The following CLDN10 variants were observed in gnomAD, a reference collection of about 807,000 sequenced individuals.
The protein encoded by CLDN10 is claudin-10.
CLDN10 carries 15 observed loss-of-function variants against 22.9 expected under a neutral mutation model. That is an observed-to-expected ratio of 0.65 (90% CI 0.44 to 1.01). CLDN10 has a LOEUF of 1.01. Ranked by LOEUF, CLDN10 falls within the 50% of genes least tolerant of loss-of-function variation. The probability of loss-of-function intolerance (pLI) is 0.00; values close to 1 mark genes in which losing one functional copy is unlikely to be tolerated. For synonymous variants in CLDN10, 114 were observed against 111.4 expected, an observed-to-expected ratio of 1.02 and a Z score of -0.15; for missense variants, 247 against 287.8, an observed-to-expected ratio of 0.86 and a Z score of 1.03.
At chr13:95,528,931 G>T (rs989231102) in intron 1 of CLDN10, among the ~76,000 whole-genome samples, 2 of 152,164 alleles carry the variant, frequency 1.3e-5, no homozygotes, top group African/African-American at 4.8e-5. Flanking sequence ...AGTATGAATT[G>T]GTTGTCTACA....
chr13:95,529,541 C>T (rs192181093), intron 1 of CLDN10, among the ~76,000 whole-genome samples: 72 of 152,208 alleles, frequency 4.7e-4, no homozygotes, highest in African/African-American at 1.7e-3. Flanking sequence ...TCTAGGTGAG[C>T]GTGCCTCTAG....
At chr13:95,518,827 AAGAC>A (rs1425270549) in intron 1 of CLDN10, among the ~76,000 whole-genome samples, 1 of 152,226 alleles carries the variant, frequency 6.6e-6, no homozygotes, top group Non-Finnish European at 1.5e-5. Flanking sequence ...TGACTGCTCT[AAGAC>A]AGAGTGGTTG....
intron 1 of CLDN10, among the ~76,000 whole-genome samples, chr13:95,507,687 A>C (rs1002959119): frequency 2.0e-5 from 3 of 151,716 alleles, no homozygotes; most frequent in African/African-American, 4.8e-5. Flanking sequence ...GCAATGGTGC[A>C]ATCTTGGTTA....
At chr13:95,439,212 G>A (rs769895461) in intron 1 of CLDN10, among the ~76,000 whole-genome samples, 2 of 152,090 alleles carry the variant, frequency 1.3e-5, no homozygotes, top group Admixed American at 6.6e-5. Flanking sequence ...TCATAGTTCT[G>A]GAGGCTGTGA....
chr13:95,441,987 C>T (rs1325607997), intron 1 of CLDN10, among the ~76,000 whole-genome samples: 2 of 152,084 alleles, frequency 1.3e-5, no homozygotes, highest in East Asian at 3.9e-4. Flanking sequence ...CCCGTCTCTA[C>T]AAAAAGTACA....
intron 1 of CLDN10, among the ~76,000 whole-genome samples, chr13:95,547,264 G>A (rs1317038473): frequency 2.6e-5 from 4 of 151,766 alleles, no homozygotes; most frequent in Admixed American, 1.3e-4. Flanking sequence ...TTTGCTCCCC[G>A]GGACTATCCT....
chr13:95,438,779 G>A (rs1177148538), intron 1 of CLDN10, among the ~76,000 whole-genome samples: 1 of 152,070 alleles, frequency 6.6e-6, no homozygotes, highest in Non-Finnish European at 1.5e-5. Flanking sequence ...AGGAGTTCAA[G>A]AGCAGCCTGA....
intron 1 of CLDN10, among the ~76,000 whole-genome samples, chr13:95,436,480 T>G (rs1010376802): frequency 6.6e-6 from 1 of 152,186 alleles, no homozygotes; most frequent in Non-Finnish European, 1.5e-5. Context: ...CCACCACGCC[T>G]GCCAAAACTT....
At chr13:95,556,659 C>T (rs551152849) in intron 1 of CLDN10, among the ~76,000 whole-genome samples, 1 of 152,290 alleles carries the variant, frequency 6.6e-6, no homozygotes, top group East Asian at 1.9e-4. Flanking sequence ...CAAGTACATA[C>T]CTTGGGTAAA....
At chr13:95,559,443 C>T (rs1237568852) in intron 1 of CLDN10, among the ~76,000 whole-genome samples, 1 of 152,196 alleles carries the variant, frequency 6.6e-6, no homozygotes, top group African/African-American at 2.4e-5. Flanking sequence ...GACTTAATCA[C>T]TATAAATTAC....
At chr13:95,484,360 TC>T (rs1566294446) in intron 1 of CLDN10, among the ~76,000 whole-genome samples, 1 of 152,228 alleles carries the variant, frequency 6.6e-6, no homozygotes, top group Admixed American at 6.5e-5. Flanking sequence ...TCTTGACTGG[TC>T]TTTCTACTTC....
intron 1 of CLDN10, among the ~76,000 whole-genome samples, chr13:95,489,164 G>C (rs2042841809): frequency 6.6e-6 from 1 of 151,878 alleles, no homozygotes; most frequent in African/African-American, 2.4e-5. Flanking sequence ...GGCCAGGCTT[G>C]TCTTGAACTC....
chr13:95,522,617 C>T (rs750601049), intron 1 of CLDN10, among the ~76,000 whole-genome samples: 7 of 151,932 alleles, frequency 4.6e-5, no homozygotes, highest in African/African-American at 1.5e-4. Flanking sequence ...TTTCTCAAGC[C>T]TTATATATCT....
intron 1 of CLDN10, among the ~76,000 whole-genome samples, chr13:95,475,204 C>A (rs987090360): frequency 6.6e-6 from 1 of 152,204 alleles, no homozygotes; most frequent in East Asian, 1.9e-4. Flanking sequence ...TAAGAGCCCA[C>A]CCCTGCCCCC....
At chr13:95,476,597 G>A (rs1187810442) in intron 1 of CLDN10, among the ~76,000 whole-genome samples, 4 of 152,172 alleles carry the variant, frequency 2.6e-5, no homozygotes, top group African/African-American at 9.7e-5. Context: ...CATAGCAGCT[G>A]TGGGTGAAGA....
intron 1 of CLDN10, among the ~76,000 whole-genome samples, chr13:95,477,434 T>C (rs2042695338): frequency 6.6e-6 from 1 of 152,126 alleles, no homozygotes; most frequent in South Asian, 2.1e-4. Flanking sequence ...ATGCGAGCTC[T>C]GGGTTGGTTT....
chr13:95,530,456 G>T (rs2043329633), intron 1 of CLDN10, among the ~76,000 whole-genome samples: 1 of 152,090 alleles, frequency 6.6e-6, no homozygotes, highest in South Asian at 2.1e-4. Context: ...ATCCATCTGG[G>T]GTGGCAAGCC....
chr13:95,459,854 A>C (rs2042518338), intron 1 of CLDN10, among the ~76,000 whole-genome samples: 1 of 152,220 alleles, frequency 6.6e-6, no homozygotes, highest in African/African-American at 2.4e-5. Context: ...AATTTTCTAA[A>C]CTTTATGCTC....
At chr13:95,542,888 A>G (rs1055327638) in intron 1 of CLDN10, among the ~76,000 whole-genome samples, 2 of 152,152 alleles carry the variant, frequency 1.3e-5, no homozygotes, top group Non-Finnish European at 2.9e-5. Context: ...TCACACTCAC[A>G]TTTGTCCAGT....
Sources: allele counts gnomAD v4.1 joint callset (sites outside exome capture counted in the v4.1 genomes callset), GRCh38; gene constraint gnomAD v4.1.1; transcripts MANE v1.5; gene names NCBI Gene and HGNC (gene_info 2026-07-23, HGNC 2026-07-21).